Variants in FHIT observed in about 807,000 individuals in gnomAD.
FHIT encodes the protein bis(5'-adenosyl)-triphosphatase.
A neutral mutation model predicts 17.9 loss-of-function variants in FHIT; 19 were observed. The ratio of observed to expected loss-of-function variants is 1.06; its 90% CI spans 0.74 to 1.56. The LOEUF is 1.56. Ranked by LOEUF, FHIT falls within the 40% of genes most tolerant of loss-of-function variation. The probability of loss-of-function intolerance (pLI) is 0.00; values close to 1 mark genes in which losing one functional copy is unlikely to be tolerated. For synonymous variants in FHIT, 81 were observed against 69.7 expected, an observed-to-expected ratio of 1.16 and a Z score of -0.81; for missense variants, 248 against 189.2, an observed-to-expected ratio of 1.31 and a Z score of -1.82.
At chr3:60,119,707 C>A (rs894232154) in intron 5 of FHIT, among the ~76,000 whole-genome samples, 10 of 152,126 alleles carry the variant, frequency 6.6e-5, no homozygotes, top group Admixed American at 2.0e-4. Context: ...AGCATCTAAC[C>A]ACTCATTGAG....
At chr3:60,585,740 A>T (rs1040935996) in intron 4 of FHIT, among the ~76,000 whole-genome samples, 1 of 152,064 alleles carries the variant, frequency 6.6e-6, no homozygotes, top group African/African-American at 2.4e-5. Context: ...CATAAGTCAT[A>T]GGACAGAATC....
intron 5 of FHIT, among the ~76,000 whole-genome samples, chr3:60,279,596 C>T (rs532899732): frequency 4.6e-5 from 7 of 152,054 alleles, no homozygotes; most frequent in South Asian, 2.1e-4. Context: ...TCAGAATACA[C>T]GTGCAAACCC....
At chr3:60,105,493 G>A (rs1188556066) in intron 5 of FHIT, among the ~76,000 whole-genome samples, 1 of 152,156 alleles carries the variant, frequency 6.6e-6, no homozygotes. Flanking sequence ...CATTTAAAAT[G>A]TAAGAGGACA....
At chr3:60,209,786 G>A (rs1223038585) in intron 5 of FHIT, among the ~76,000 whole-genome samples, 1 of 152,124 alleles carries the variant, frequency 6.6e-6, no homozygotes, top group Middle Eastern at 3.2e-3. Flanking sequence ...CATTTGCAGG[G>A]ACATGGATGA....
intron 5 of FHIT, among the ~76,000 whole-genome samples, chr3:60,370,261 G>T (rs1008567545): frequency 4.6e-5 from 7 of 152,314 alleles, no homozygotes; most frequent in Middle Eastern, 3.4e-3. Flanking sequence ...GTTAGAACTT[G>T]AGGTCAAGCA....
intron 3 of FHIT, among the ~76,000 whole-genome samples, chr3:61,007,732 T>C (rs1167408863): frequency 6.6e-6 from 1 of 152,180 alleles, no homozygotes; most frequent in Admixed American, 6.5e-5. Flanking sequence ...TCCACTCAGA[T>C]CTCTGTAGGA....
intron 5 of FHIT, among the ~76,000 whole-genome samples, chr3:60,178,609 A>T (rs1319219852): frequency 6.6e-6 from 1 of 152,098 alleles, no homozygotes; most frequent in Non-Finnish European, 1.5e-5. Flanking sequence ...AGGGAGAAAG[A>T]AAAAGCACAG....
chr3:60,308,684 A>C (rs1708799884), intron 5 of FHIT, among the ~76,000 whole-genome samples: 1 of 152,112 alleles, frequency 6.6e-6, no homozygotes, highest in Non-Finnish European at 1.5e-5. Flanking sequence ...CATTGTTTTA[A>C]GAATTGAGAT....
chr3:59,818,522 G>A (rs1354577037), intron 8 of FHIT, among the ~76,000 whole-genome samples: 1 of 91,522 alleles, frequency 1.1e-5, no homozygotes, highest in Admixed American at 1.3e-4. Context: ...AGTCCAGGAG[G>A]TAAAATGTGA....
At position 60,591,378 on chromosome 3, in the gene FHIT, T is replaced by C. The variant is rs183910543; in HGVS notation, c.-17-54399A>G. On this transcript the variant is annotated intron_variant, in intron 4 of 9. Coordinates refer to ENST00000492590, the MANE Select transcript of FHIT (RefSeq NM_002012.4). Reference sequence around the variant, plus strand: ...GAGAGATAGTCTTAGAGAAAGATGATGGACTTAACAGACTGAGACGTATTT... The same window carrying C: ...GAGAGATAGTCTTAGAGAAAGATGACGGACTTAACAGACTGAGACGTATTT... Among the ~76,000 whole-genome samples, 57 of 138,378 alleles carry C rather than the reference T, an allele frequency of 4.1e-4. 1 individual carries two copies. Among genetic ancestry groups the C allele is most frequent in the Non-Finnish European group, 5.7e-4 (36 of 62,826 alleles). 90.8% of individuals were successfully genotyped at this position (138,378 alleles called of 152,430 possible). A position where few individuals can be genotyped will look rare whatever the true frequency, so the allele number is the denominator to read the frequency against.
chr3:61,231,474 G>A (rs2040099627), intron 1 of FHIT, among the ~76,000 whole-genome samples: 1 of 150,564 alleles, frequency 6.6e-6, no homozygotes, highest in Admixed American at 6.6e-5. Context: ...GGGCAAAAGA[G>A]TGAGTCTCGG....
chr3:60,311,808 A>T (rs1708960579), intron 5 of FHIT, among the ~76,000 whole-genome samples: 1 of 152,156 alleles, frequency 6.6e-6, no homozygotes, highest in Non-Finnish European at 1.5e-5. Flanking sequence ...TTTCTTAAAC[A>T]TGGTCGGGGT....
rs183214345 is a variant in FHIT, at chr3:60,859,873, G to T, written c.-110-37862C>A. 3.2e-4 allele frequency among the ~76,000 whole-genome samples: 48 copies of T among 148,986 alleles called. 1 individual carries two copies. The South Asian group carries it at 8.7e-3, about 27-fold the overall frequency. On this transcript the variant is annotated intron_variant, in intron 3 of 9. Transcript: ENST00000492590. ...AGCCTGGCCAACATGGTGAAACCCT[G>T]TCTCTACTAAAACTACAAAAATTAG...
chr3:60,944,666 A>C (rs1471985908), intron 3 of FHIT, among the ~76,000 whole-genome samples: 2 of 152,234 alleles, frequency 1.3e-5, no homozygotes, highest in Admixed American at 6.5e-5. Context: ...CAAAGGCAGA[A>C]TTAACATGTA....
chr3:60,773,338 A>G (rs1325218214), intron 4 of FHIT, among the ~76,000 whole-genome samples: 32 of 152,200 alleles, frequency 2.1e-4, no homozygotes, highest in Admixed American at 1.4e-3. Flanking sequence ...TCTGTACCCA[A>G]TTAAGCCCAA....
intron 5 of FHIT, among the ~76,000 whole-genome samples, chr3:60,061,123 G>A (rs1217436478): frequency 6.6e-6 from 1 of 152,186 alleles, no homozygotes; most frequent in East Asian, 1.9e-4. Flanking sequence ...GCAAATAATA[G>A]GATGGGGAAA....
intron 5 of FHIT, among the ~76,000 whole-genome samples, chr3:60,233,256 G>T (rs1260281927): frequency 6.6e-6 from 1 of 152,144 alleles, no homozygotes. Flanking sequence ...GGTATTTAAT[G>T]ATCTGACTGA....
At chr3:60,678,145 C>G (rs891046529) in intron 4 of FHIT, among the ~76,000 whole-genome samples, 14 of 152,018 alleles carry the variant, frequency 9.2e-5, no homozygotes, top group Non-Finnish European at 1.6e-4. Context: ...TCTTGGTTTT[C>G]ATTTTCATTT....
intron 3 of FHIT, among the ~76,000 whole-genome samples, chr3:60,873,113 G>A (rs782336881): frequency 8.0e-5 from 12 of 150,566 alleles, no homozygotes; most frequent in Non-Finnish European, 1.8e-4. Flanking sequence ...TGGAGGAGGG[G>A]AACAAGGCAG....
Sources: allele counts gnomAD v4.1 joint callset (sites outside exome capture counted in the v4.1 genomes callset), GRCh38; gene constraint gnomAD v4.1.1; transcripts MANE v1.5; gene names NCBI Gene and HGNC (gene_info 2026-07-23, HGNC 2026-07-21).